NRBF2: variants seen among roughly 807,000 people sequenced by gnomAD.
The protein encoded by NRBF2 is nuclear receptor-binding factor 2.
Under a neutral mutation model 28.5 loss-of-function variants are expected in NRBF2, and 12 were observed. The observed-to-expected ratio is 0.42, with a 90% CI of 0.27 to 0.68. The LOEUF is 0.68. Ranked by LOEUF, NRBF2 falls within the 30% of genes least tolerant of loss-of-function variation. NRBF2 has a pLI of 0.24. For missense variants in NRBF2, 274 were observed against 333.5 expected, an observed-to-expected ratio of 0.82 and a Z score of 1.39; for synonymous variants, 102 against 116.5, an observed-to-expected ratio of 0.88 and a Z score of 0.80.
intron 1 of NRBF2, among the ~76,000 whole-genome samples, chr10:63,136,146 T>G (rs1245795562): frequency 6.6e-6 from 1 of 151,816 alleles, no homozygotes; most frequent in African/African-American, 2.4e-5. Context: ...TTTTTTTTCT[T>G]TTTTGAGACG....
At chr10:63,137,304 CTT>C (rs1841391711) in intron 1 of NRBF2, among the ~76,000 whole-genome samples, 2 of 152,330 alleles carry the variant, frequency 1.3e-5, no homozygotes, top group Admixed American at 6.5e-5. Flanking sequence ...AAAATTATAA[CTT>C]ATAAAATTAG....
chr10:63,133,378 T>G lies in NRBF2; in HGVS notation c.-93T>G, dbSNP rs1190873968. 2 of 1,456,104 alleles carry G rather than the reference T, an allele frequency of 1.4e-6. No homozygotes were observed. Among genetic ancestry groups the G allele is most frequent in the Non-Finnish European group, 1.9e-6 (2 of 1,051,904 alleles). The allele number at this position is 1,456,104 out of a possible 1,614,324, so 90.2% of individuals were successfully genotyped here. A position where few individuals can be genotyped will look rare whatever the true frequency, so the allele number is the denominator to read the frequency against. On this transcript the variant is annotated 5_prime_UTR_variant, in exon 1 of 4. Transcript: ENST00000277746. Reference sequence around the variant, plus strand: ...CTTGGGGCGCAGAGAGGGGCCGCAGTCTCCGCGGCTGCGTCGAGCTCCCTT... The same window carrying G: ...CTTGGGGCGCAGAGAGGGGCCGCAGGCTCCGCGGCTGCGTCGAGCTCCCTT...
intron 2 of NRBF2, among the ~76,000 whole-genome samples, chr10:63,151,008 T>A (rs182935134): frequency 1.5e-4 from 23 of 152,340 alleles, no homozygotes. Context: ...GCTTGCCTGC[T>A]GCTCACTTCC....
rs1841316857 is a variant in NRBF2 at position 63,133,352 on chromosome 10, T to A, written c.-119T>A. The A allele has an allele frequency of 1.7e-6, 2 of 1,210,684 alleles. No individual in the cohort carries two copies. The highest frequency in any genetic ancestry group is 1.5e-5 in the African/African-American group (1 of 65,498). 75.0% of individuals were successfully genotyped at this position (1,210,684 alleles called of 1,614,324 possible). Reference sequence around the variant, plus strand: ...TGCTCCTTCAGCGCCTATCGCTGGCTCTTGGGGCGCAGAGAGGGGCCGCAG... The same window carrying A: ...TGCTCCTTCAGCGCCTATCGCTGGCACTTGGGGCGCAGAGAGGGGCCGCAG... On this transcript the variant is annotated 5_prime_UTR_variant, in exon 1 of 4. Coordinates refer to ENST00000277746, the MANE Select transcript of NRBF2 (RefSeq NM_030759.5).
At chr10:63,146,987 A>T (rs1259118087) in intron 2 of NRBF2, among the ~76,000 whole-genome samples, 2 of 152,214 alleles carry the variant, frequency 1.3e-5, no homozygotes, top group African/African-American at 4.8e-5. Context: ...GTAACCAAAA[A>T]ACTTTGGGTC....
intron 2 of NRBF2, among the ~76,000 whole-genome samples, chr10:63,147,407 G>C (rs1263095844): frequency 1.3e-5 from 2 of 150,788 alleles, no homozygotes; most frequent in African/African-American, 4.9e-5. Flanking sequence ...GCAACTTCCC[G>C]CCTCCTGGTT....
intron 1 of NRBF2, among the ~76,000 whole-genome samples, chr10:63,142,119 G>A (rs1170999601): frequency 2.0e-5 from 3 of 152,066 alleles, no homozygotes; most frequent in African/African-American, 7.2e-5. Context: ...CATACTAGAA[G>A]AAAGTGATTG....
chr10:63,136,124 CTTTTTTTTTT>C (rs11334549), intron 1 of NRBF2, among the ~76,000 whole-genome samples: 2 of 125,006 alleles, frequency 1.6e-5, no homozygotes, highest in Non-Finnish European at 3.5e-5. Context: ...AAAATTCAGA[CTTTTTTTTTT>C]TTTTTTTTTC....
At chr10:63,150,485 C>T (rs939423938) in intron 2 of NRBF2, 3 of 373,924 alleles carry the variant, frequency 8.0e-6, no homozygotes, top group Non-Finnish European at 1.1e-5. Flanking sequence ...CTCCTGGGCT[C>T]AGGCAGTCCT....
chr10:63,142,659 A>T (rs933062207), intron 1 of NRBF2, among the ~76,000 whole-genome samples: 1 of 151,916 alleles, frequency 6.6e-6, no homozygotes, highest in Non-Finnish European at 1.5e-5. Flanking sequence ...ATACCTGTAT[A>T]ATTTGTGGGT....
At chr10:63,137,287 A>G (rs765132698) in intron 1 of NRBF2, among the ~76,000 whole-genome samples, 3 of 152,206 alleles carry the variant, frequency 2.0e-5, no homozygotes, top group Non-Finnish European at 4.4e-5. Context: ...TCAGTTTTAA[A>G]TATGGAAAAA....
At chr10:63,150,761 C>CTA (rs1486414440) in intron 2 of NRBF2, among the ~76,000 whole-genome samples, 2 of 152,022 alleles carry the variant, frequency 1.3e-5, no homozygotes, top group Non-Finnish European at 2.9e-5. Flanking sequence ...CAGTGGGAGC[C>CTA]CTGAGCTTGT....
intron 1 of NRBF2, among the ~76,000 whole-genome samples, chr10:63,136,708 CTCA>C (rs1564528316): frequency 6.6e-6 from 1 of 152,174 alleles, no homozygotes; most frequent in Non-Finnish European, 1.5e-5. Flanking sequence ...CCATATTGTA[CTCA>C]TCATGTTCAT....
intron 3 of NRBF2, among the ~76,000 whole-genome samples, chr10:63,153,072 A>T (rs983951123): frequency 6.6e-6 from 1 of 152,208 alleles, no homozygotes; most frequent in African/African-American, 2.4e-5. Flanking sequence ...TCTGTGAGGT[A>T]TATCAGTGGC....
intron 3 of NRBF2, among the ~76,000 whole-genome samples, chr10:63,152,908 G>T (rs1044547937): frequency 2.0e-5 from 3 of 152,142 alleles, no homozygotes; most frequent in Non-Finnish European, 2.9e-5. Context: ...GAGGTGAGAG[G>T]ATCACTGAAC....
In NRBF2 at chr10:63,133,362, C is replaced by T; in HGVS notation, c.-109C>T. 22 of 1,307,034 alleles carry T rather than the reference C, an allele frequency of 1.7e-5. No individual in the cohort carries two copies. Among genetic ancestry groups the T allele is most frequent in the Non-Finnish European group, 2.4e-5 (22 of 926,010 alleles). 81.0% of individuals were successfully genotyped at this position (1,307,034 alleles called of 1,614,324 possible). A position where few individuals can be genotyped will look rare whatever the true frequency, so the allele number is the denominator to read the frequency against. On this transcript the variant is annotated 5_prime_UTR_variant, in exon 1 of 4. Coordinates refer to ENST00000277746, the MANE Select transcript of NRBF2 (RefSeq NM_030759.5). ...GCGCCTATCGCTGGCTCTTGGGGCG[C>T]AGAGAGGGGCCGCAGTCTCCGCGGC...
At chr10:63,152,685 C>T (rs1841668021) in intron 3 of NRBF2, among the ~76,000 whole-genome samples, 1 of 152,178 alleles carries the variant, frequency 6.6e-6, no homozygotes, top group African/African-American at 2.4e-5. Context: ...GGAGGCCCTG[C>T]CAAGTGTTTC....
intron 3 of NRBF2, among the ~76,000 whole-genome samples, chr10:63,152,725 G>T (rs1374785277): frequency 6.6e-6 from 1 of 152,224 alleles, no homozygotes; most frequent in East Asian, 1.9e-4. Context: ...GACTGGGCAT[G>T]GTGGCCCATG....
rs371861187 is a variant in NRBF2 at position 63,146,249 on chromosome 10, C to T, written c.71C>T (p.Ala24Val). ...QSRRADRLLA[A>V]GKYEEAISCH... ...AGACGAGCAGACCGTTTATTAGCTG[C>T]AGGCAAATACGAAGAGGCTATTTCT... The change falls in exon 2 of 4, where the codon GCA becomes GTA. Residue 24 changes from alanine to valine, a missense_variant. By Grantham distance (64) the Ala-to-Val change is moderately conservative. Transcript: ENST00000277746. 6.2e-7 allele frequency: 1 copy of T among 1,612,318 alleles called. No individual in the cohort carries two copies. The highest frequency in any genetic ancestry group is 8.5e-7 in the Non-Finnish European group (1 of 1,179,728).
Sources: allele counts gnomAD v4.1 joint callset (sites outside exome capture counted in the v4.1 genomes callset), GRCh38; gene constraint gnomAD v4.1.1; transcripts MANE v1.5; gene names NCBI Gene and HGNC (gene_info 2026-07-23, HGNC 2026-07-21).